VTI1A: variants seen among roughly 807,000 people sequenced by gnomAD.
VTI1A encodes the protein vesicle transport through interaction with t-SNAREs homolog 1A.
VTI1A carries 22 observed loss-of-function variants against 34.9 expected under a neutral mutation model. The observed-to-expected ratio is 0.63, with a 90% confidence interval of 0.45 to 0.90. VTI1A has a LOEUF of 0.90. Ranked by LOEUF, VTI1A falls within the 40% of genes least tolerant of loss-of-function variation. VTI1A has a pLI of 0.00. For missense variants in VTI1A, 268 were observed against 275.6 expected (o/e 0.97, Z 0.20); for synonymous variants, 87 against 97.3 (o/e 0.89, Z 0.62).
intron 5 of VTI1A, among the ~76,000 whole-genome samples, chr10:112,635,602 A>G (rs1411449585): frequency 1.3e-5 from 2 of 152,210 alleles, no homozygotes; most frequent in Non-Finnish European, 2.9e-5. Context: ...GTTGTAGACA[A>G]TGAAGACAGG....
chr10:112,473,751 G>C (rs950835667), intron 3 of VTI1A, among the ~76,000 whole-genome samples: 3 of 152,042 alleles, frequency 2.0e-5, no homozygotes, highest in Admixed American at 6.5e-5. Context: ...GTTAGAATGT[G>C]ACTTTAAAAA....
At chr10:112,537,031 C>T (rs935506415) in intron 4 of VTI1A, among the ~76,000 whole-genome samples, 3 of 151,880 alleles carry the variant, frequency 2.0e-5, no homozygotes, top group Non-Finnish European at 2.9e-5. Flanking sequence ...CATGGGGGCT[C>T]ATTAGAGCAA....
intron 3 of VTI1A, among the ~76,000 whole-genome samples, chr10:112,500,370 G>A (rs1453788251): frequency 1.3e-5 from 2 of 151,912 alleles, no homozygotes; most frequent in East Asian, 3.9e-4. Context: ...AGGAGGCAGA[G>A]GTTGCAGTCA....
intron 5 of VTI1A, among the ~76,000 whole-genome samples, chr10:112,667,138 C>T (rs1046521700): frequency 3.9e-5 from 6 of 152,084 alleles, no homozygotes; most frequent in African/African-American, 1.4e-4. Context: ...TGACTTCTTA[C>T]TAACATCATT....
chr10:112,452,153 G>A (rs1167086202), intron 1 of VTI1A, among the ~76,000 whole-genome samples: 2 of 152,130 alleles, frequency 1.3e-5, no homozygotes, highest in Admixed American at 1.3e-4. Context: ...TTCCTTGTTA[G>A]GATTCAGGCT....
chr10:112,591,210 C>T (rs1215046132), intron 5 of VTI1A, among the ~76,000 whole-genome samples: 1 of 152,090 alleles, frequency 6.6e-6, no homozygotes, highest in Non-Finnish European at 1.5e-5. Flanking sequence ...CTGTTGGGTA[C>T]TCAGGTTTAT....
chr10:112,608,613 A>C (rs1845177877), intron 5 of VTI1A, among the ~76,000 whole-genome samples: 1 of 152,186 alleles, frequency 6.6e-6, no homozygotes, highest in South Asian at 2.1e-4. Context: ...CCTTACAATA[A>C]GGGTCATTTT....
At chr10:112,542,457 C>T (rs66472677) in intron 5 of VTI1A, among the ~76,000 whole-genome samples, 21,100 of 151,994 alleles carry the variant, frequency 0.14, 1,577 homozygotes, top group Non-Finnish European at 0.16. Flanking sequence ...GTTGTCACCC[C>T]TTCTCTCAGT....
At chr10:112,800,435 A>G (rs962869000) in intron 7 of VTI1A, among the ~76,000 whole-genome samples, 5 of 152,264 alleles carry the variant, frequency 3.3e-5, no homozygotes, top group African/African-American at 1.2e-4. Context: ...GTGGGGGTAC[A>G]GCCAGACAAG....
At chr10:112,607,681 C>A (rs1046573175) in intron 5 of VTI1A, among the ~76,000 whole-genome samples, 1 of 152,160 alleles carries the variant, frequency 6.6e-6, no homozygotes, top group African/African-American at 2.4e-5. Flanking sequence ...AGTGGCATAG[C>A]CAGATGGTTC....
chr10:112,789,284 C>A (rs1294178963), intron 7 of VTI1A, among the ~76,000 whole-genome samples: 2 of 152,178 alleles, frequency 1.3e-5, no homozygotes, highest in African/African-American at 4.8e-5. Context: ...GTCACCTTCA[C>A]TTTTAGTGGA....
At chr10:112,825,652 T>A in the VTI1A span, 1 of 152,224 alleles carries the variant, frequency 6.6e-6, no homozygotes, top group African/African-American at 2.4e-5. Context: ...GTTTGTGTGT[T>A]CCCCAAGTCA....
At chr10:112,551,181 T>C (rs1250814452) in intron 5 of VTI1A, among the ~76,000 whole-genome samples, 2 of 147,398 alleles carry the variant, frequency 1.4e-5, no homozygotes, top group African/African-American at 2.6e-5. Flanking sequence ...CGAGCGGAGC[T>C]TGCCGTGAGC....
intron 3 of VTI1A, among the ~76,000 whole-genome samples, chr10:112,510,583 C>G (rs947112065): frequency 1.3e-5 from 2 of 152,130 alleles, no homozygotes; most frequent in Non-Finnish European, 2.9e-5. Context: ...CTTCGGTGAG[C>G]TATGACTGTG....
At chr10:112,512,337 A>G (rs1849641248) in intron 3 of VTI1A, among the ~76,000 whole-genome samples, 2 of 152,034 alleles carry the variant, frequency 1.3e-5, no homozygotes. Flanking sequence ...CCTGTTGGCT[A>G]TTTGTGTATC....
At chr10:112,463,011 A>G (rs1035842282) in intron 2 of VTI1A, among the ~76,000 whole-genome samples, 1 of 151,574 alleles carries the variant, frequency 6.6e-6, no homozygotes, top group East Asian at 1.9e-4. Context: ...TGCAACCTCT[A>G]CCTCCCCAGT....
intron 5 of VTI1A, among the ~76,000 whole-genome samples, chr10:112,568,485 CA>C (rs1354253714): frequency 6.7e-6 from 1 of 149,678 alleles, no homozygotes; most frequent in African/African-American, 2.5e-5. Context: ...ACAGCCTGGG[CA>C]AAAAAGTGAG....
intron 5 of VTI1A, among the ~76,000 whole-genome samples, chr10:112,593,728 CTTTTTTTTA>C (rs1255660397): frequency 6.6e-6 from 1 of 151,924 alleles, no homozygotes; most frequent in East Asian, 1.9e-4. Flanking sequence ...TGGTCTCCAT[CTTTTTTTTA>C]TTTTTTTTAT....
intron 7 of VTI1A, among the ~76,000 whole-genome samples, chr10:112,738,637 A>G (rs1204861887): frequency 6.6e-6 from 1 of 152,214 alleles, no homozygotes; most frequent in Admixed American, 6.5e-5. Context: ...ATACAGTCTG[A>G]TTAAATGGTG....
Sources: gnomAD v4.1 joint callset for allele counts (sites outside exome capture counted in the v4.1 genomes callset) on GRCh38, gnomAD v4.1.1 for gene constraint, MANE v1.5 for transcripts, NCBI Gene and HGNC (gene_info 2026-07-23, HGNC 2026-07-21) for gene names.